IL26: variants seen among roughly 807,000 people sequenced by gnomAD.
IL26 encodes interleukin-26.
In IL26, 23 loss-of-function variants were observed where a neutral mutation model predicts 21.7. The ratio of observed to expected loss-of-function variants is 1.06; its 90% CI spans 0.76 to 1.50. The LOEUF (loss-of-function observed/expected upper bound fraction) is 1.50. Ranked by LOEUF, IL26 falls within the 40% of genes most tolerant of loss-of-function variation. IL26 has a pLI of 0.00. For synonymous variants in IL26, 63 were observed against 67.8 expected, an observed-to-expected ratio of 0.93 and a Z score of 0.34; for missense variants, 204 against 196.0, an observed-to-expected ratio of 1.04 and a Z score of -0.24.
At chr12:68,202,246 G>A (rs1324884547) in intron 3 of IL26, among the ~76,000 whole-genome samples, 163 bp from the exon 4 acceptor site, 1 of 152,148 alleles carries the variant, frequency 6.6e-6, no homozygotes, top group Non-Finnish European at 1.5e-5. Context: ...AGAGCTTAAA[G>A]TTTCATGGGA....
chr12:68,225,794 G>T lies in IL26; in HGVS notation c.-38C>A. 4 of 1,604,192 alleles carry T rather than the reference G, an allele frequency of 2.5e-6. No individual in the cohort carries two copies. Among genetic ancestry groups the T allele is most frequent in the Non-Finnish European group, 3.4e-6 (4 of 1,173,416 alleles). ...CACTCAGCGTGTGTCACTCACAGCA[G>T]CCCAAGAGATACTAATGCCGGTTAG... On this transcript the variant is annotated 5_prime_UTR_variant, in exon 1 of 5. It adds an upstream start codon to the 5' untranslated region. Transcript: ENST00000229134.
chr12:68,202,353 C>A (rs1265491552), intron 3 of IL26, among the ~76,000 whole-genome samples: 2 of 152,324 alleles, frequency 1.3e-5, no homozygotes, highest in East Asian at 3.9e-4. Flanking sequence ...TTTATAGGAA[C>A]CGCCTACCTT....
At chr12:68,225,532 C>T (rs763264113) in intron 1 of IL26, 32 bp from the exon 2 acceptor site, 17 of 1,602,214 alleles carry the variant, frequency 1.1e-5, no homozygotes, top group Non-Finnish European at 1.1e-5. Context: ...TAAGTTGTAT[C>T]CAAGATTGTA....
intron 3 of IL26, among the ~76,000 whole-genome samples, chr12:68,206,331 C>T (rs952850761): frequency 6.6e-6 from 1 of 152,054 alleles, no homozygotes; most frequent in African/African-American, 2.4e-5. Flanking sequence ...TTTATGACCC[C>T]TTGATCTAGA....
intron 3 of IL26, among the ~76,000 whole-genome samples, chr12:68,202,644 G>A (rs1868420233): frequency 1.3e-5 from 2 of 152,128 alleles, no homozygotes; most frequent in African/African-American, 4.8e-5. Context: ...TTACTGTCAT[G>A]AGAACAGCAC....
chr12:68,225,144 C>A lies in IL26; in HGVS notation c.363+5G>T, dbSNP rs1211905693. 1.2e-6 allele frequency: 2 copies of A among 1,607,298 alleles called. No homozygotes were observed. The highest frequency in any genetic ancestry group is 3.4e-5 in the Admixed American group (2 of 58,332). ...AAATGCACAGTATTTGTTGTGTATACTTACACAGTGGCTCAATTTCTGCCT... is the reference window on the plus strand; with the variant it reads ...AAATGCACAGTATTTGTTGTGTATAATTACACAGTGGCTCAATTTCTGCCT... On this transcript the variant is annotated splice_donor_5th_base_variant and intron_variant, in intron 3 of 4. Coordinates refer to ENST00000229134, the MANE Select transcript of IL26 (RefSeq NM_018402.2).
intron 3 of IL26, among the ~76,000 whole-genome samples, chr12:68,206,272 G>A (rs1374656508): frequency 1.3e-5 from 2 of 152,020 alleles, no homozygotes; most frequent in Non-Finnish European, 2.9e-5. Flanking sequence ...CTTCCATATT[G>A]TTGACAATCC....
intron 3 of IL26, among the ~76,000 whole-genome samples, chr12:68,212,436 G>A (rs1464636931): frequency 6.6e-6 from 1 of 152,074 alleles, no homozygotes; most frequent in African/African-American, 2.4e-5. Flanking sequence ...AATGCTAGAA[G>A]TATCTTGATA....
In IL26 at chr12:68,225,810, T is replaced by A. The variant is rs541064118; in HGVS notation, c.-54A>T. 9 of 1,578,840 alleles carry A rather than the reference T, an allele frequency of 5.7e-6. No homozygotes were observed. Among genetic ancestry groups the A allele is most frequent in the African/African-American group, 1.3e-5 (1 of 74,254 alleles). On this transcript the variant is annotated 5_prime_UTR_variant, in exon 1 of 5. Coordinates refer to ENST00000229134, the MANE Select transcript of IL26 (RefSeq NM_018402.2). ...CTCACAGCAGCCCAAGAGATACTAA[T>A]GCCGGTTAGATGAGAGGATAACCTA...
intron 3 of IL26, among the ~76,000 whole-genome samples, chr12:68,221,752 G>A (rs1331452861): frequency 2.3e-4 from 35 of 152,098 alleles, no homozygotes; most frequent in Non-Finnish European, 2.9e-5. Flanking sequence ...TTTTCTTTCT[G>A]GTGATACAAA....
intron 3 of IL26, 87 bp from the exon 4 acceptor site, chr12:68,202,170 A>C (rs1246309544): frequency 1.2e-6 from 1 of 856,686 alleles, no homozygotes; most frequent in Non-Finnish European, 1.8e-6. Context: ...TTTATAGAGC[A>C]GGTATTATGT....
At chr12:68,209,261 A>C (rs1868633912) in intron 3 of IL26, among the ~76,000 whole-genome samples, 1 of 152,230 alleles carries the variant, frequency 6.6e-6, no homozygotes, top group African/African-American at 2.4e-5. Context: ...CCAGGGGGCC[A>C]ACACGAGTAC....
At chr12:68,213,685 T>C (rs186935914) in intron 3 of IL26, among the ~76,000 whole-genome samples, 1 of 152,246 alleles carries the variant, frequency 6.6e-6, no homozygotes, top group Admixed American at 6.5e-5. Context: ...TCTGTAATTC[T>C]GTAATAGTTA....
intron 3 of IL26, among the ~76,000 whole-genome samples, chr12:68,218,840 T>C (rs1180508735): frequency 1.3e-5 from 2 of 151,610 alleles, no homozygotes; most frequent in African/African-American, 4.8e-5. Context: ...ATGTTATGAG[T>C]AAAAGGATGG....
chr12:68,202,396 A>C (rs1451212242), intron 3 of IL26, among the ~76,000 whole-genome samples: 3 of 152,356 alleles, frequency 2.0e-5, no homozygotes, highest in Middle Eastern at 6.8e-3. Context: ...TCTTTTGAAA[A>C]ATGACATTTG....
intron 3 of IL26, among the ~76,000 whole-genome samples, chr12:68,215,793 G>A (rs1001763637): frequency 2.6e-5 from 4 of 151,920 alleles, no homozygotes; most frequent in Non-Finnish European, 2.9e-5. Flanking sequence ...TCAGCCTCCT[G>A]AGTAGCTGGG....
intron 3 of IL26, among the ~76,000 whole-genome samples, chr12:68,211,239 C>T (rs569696041): frequency 6.6e-6 from 1 of 152,290 alleles, no homozygotes; most frequent in East Asian, 1.9e-4. Context: ...TCTGTTCCAT[C>T]CATGTTGCTG....
chr12:68,211,246 G>T (rs1007326100), intron 3 of IL26, among the ~76,000 whole-genome samples: 6 of 152,152 alleles, frequency 3.9e-5, no homozygotes, highest in Non-Finnish European at 5.9e-5. Context: ...CATCCATGTT[G>T]CTGCAAATGA....
At chr12:68,210,388 C>CACAAGCACT (rs1252910223) in intron 3 of IL26, among the ~76,000 whole-genome samples, 1 of 60,476 alleles carries the variant, frequency 1.7e-5, no homozygotes. Context: ...AAAAAAACAG[C>CACAAGCACT]ACAAGCACTA....
Sources: gnomAD v4.1 joint callset for allele counts (sites outside exome capture counted in the v4.1 genomes callset) on GRCh38, gnomAD v4.1.1 for gene constraint, MANE v1.5 for transcripts, NCBI Gene and HGNC (gene_info 2026-07-23, HGNC 2026-07-21) for gene names.